Variants in TNRC6B observed in about 807,000 individuals in gnomAD.
TNRC6B encodes the protein trinucleotide repeat-containing gene 6B protein.
A neutral mutation model predicts 203.6 loss-of-function variants in TNRC6B; 52 were observed. That is an observed-to-expected ratio of 0.26 (90% CI 0.20 to 0.32). The LOEUF is 0.32. Ranked by LOEUF, TNRC6B falls within the 10% of genes least tolerant of loss-of-function variation. The pLI is 1.00. For missense variants in TNRC6B, 1,923 were observed against 2,286.2 expected (o/e 0.84, Z 3.24); for synonymous variants, 838 against 845.7 (o/e 0.99, Z 0.16).
intron 1 of TNRC6B, among the ~76,000 whole-genome samples, chr22:40,049,122 C>A (rs916614514): frequency 6.6e-6 from 1 of 152,032 alleles, no homozygotes. Context: ...TGGCTAACAC[C>A]TGTAATCCCA....
intron 14 of TNRC6B, 25 bp downstream of exon 14, chr22:40,301,030 CA>C (rs752953480): frequency 1.2e-6 from 2 of 1,603,452 alleles, no homozygotes; most frequent in Non-Finnish European, 1.7e-6. Context: ...AGGGTCCCTC[CA>C]GTGCTGTGTT....
At chr22:40,147,764 A>G (rs368283426) in intron 3 of TNRC6B, among the ~76,000 whole-genome samples, 5 of 152,344 alleles carry the variant, frequency 3.3e-5, no homozygotes, top group African/African-American at 1.2e-4. Context: ...GCAAAGACAG[A>G]CACAAAACAC....
chr22:40,128,161 C>T (rs2068510322), intron 3 of TNRC6B, among the ~76,000 whole-genome samples: 1 of 152,158 alleles, frequency 6.6e-6, no homozygotes, highest in Non-Finnish European at 1.5e-5. Flanking sequence ...ATAACTTCAA[C>T]TTCATCAGCC....
intron 1 of TNRC6B, among the ~76,000 whole-genome samples, chr22:40,080,746 T>C (rs1321544076): frequency 6.6e-6 from 1 of 152,202 alleles, no homozygotes; most frequent in Non-Finnish European, 1.5e-5. Flanking sequence ...ACATCTCTTT[T>C]GTGAAGTCTT....
rs183931608 is a variant in TNRC6B, at chr22:40,313,139, T to G, written c.4678+142T>G. ...AGGTCAGTATAGATGGAAGCACATC[T>G]TTTCTGTTTGCTATGTCTTTGAGGA... is the stretch of plus-strand genomic sequence containing the variant. On this transcript the variant is annotated intron_variant, in intron 19 of 22. Coordinates refer to ENST00000454349, the MANE Select transcript of TNRC6B (RefSeq NM_001162501.2). The G allele has an allele frequency of 4.5e-6, 3 of 663,772 alleles. No individual in the cohort carries two copies. The Admixed American group carries it at 8.5e-5, about 19-fold the overall frequency. The allele number at this position is 663,772 out of a possible 1,614,324, so 41.1% of individuals were successfully genotyped here.
At chr22:40,074,707 A>T (rs968344752) in intron 1 of TNRC6B, among the ~76,000 whole-genome samples, 8 of 151,850 alleles carry the variant, frequency 5.3e-5, no homozygotes, top group Admixed American at 2.0e-4. Flanking sequence ...TGAACCCTGG[A>T]GGTGGAGCTT....
At chr22:40,100,992 A>G (rs1277907119) in intron 1 of TNRC6B, among the ~76,000 whole-genome samples, 4 of 146,214 alleles carry the variant, frequency 2.7e-5, no homozygotes, top group Non-Finnish European at 6.0e-5. Flanking sequence ...TCTCTTCAGC[A>G]TTTTTTTTTT....
chr22:40,141,418 G>A (rs1042417887), intron 3 of TNRC6B, among the ~76,000 whole-genome samples: 4 of 151,468 alleles, frequency 2.6e-5, no homozygotes, highest in African/African-American at 4.8e-5. Flanking sequence ...GGCTGGTCTC[G>A]AACTCCTGAC....
chr22:40,224,942 G>T (rs1022493027), intron 1 of TNRC6B, among the ~76,000 whole-genome samples: 1 of 152,256 alleles, frequency 6.6e-6, no homozygotes, highest in Non-Finnish European at 1.5e-5. Flanking sequence ...CCTGCTGCCA[G>T]AAGCAGTAGC....
chr22:40,117,186 A>G (rs1370453927), intron 2 of TNRC6B: 1 of 152,600 alleles, frequency 6.6e-6, no homozygotes, highest in African/African-American at 2.4e-5. Flanking sequence ...TAAAAAGAAG[A>G]AAAGTACTTT....
intron 1 of TNRC6B, among the ~76,000 whole-genome samples, chr22:40,196,712 A>T (rs546496802): frequency 6.6e-6 from 1 of 152,068 alleles, no homozygotes; most frequent in Non-Finnish European, 1.5e-5. Flanking sequence ...GTGATAGGGC[A>T]GATGTGGTTC....
chr22:40,064,473 A>G (rs1416913287), intron 1 of TNRC6B, among the ~76,000 whole-genome samples: 2 of 151,702 alleles, frequency 1.3e-5, no homozygotes, highest in Admixed American at 6.6e-5. Flanking sequence ...AATTTTGTTA[A>G]ATGCTTTTGC....
chr22:40,203,818 G>A (rs1239322425), intron 1 of TNRC6B, among the ~76,000 whole-genome samples: 3 of 152,222 alleles, frequency 2.0e-5, no homozygotes, highest in Non-Finnish European at 4.4e-5. Context: ...CTAAGGGTTC[G>A]GTGATGTAGA....
At chr22:40,319,259 C>A (rs2071302030) in intron 21 of TNRC6B, among the ~76,000 whole-genome samples, 2 of 151,272 alleles carry the variant, frequency 1.3e-5, no homozygotes, top group South Asian at 4.2e-4. Context: ...AGACCCCCCC[C>A]ATCTCTGAAT....
chr22:40,100,492 C>T (rs1398074695), intron 1 of TNRC6B, among the ~76,000 whole-genome samples: 1 of 152,106 alleles, frequency 6.6e-6, no homozygotes, highest in Non-Finnish European at 1.5e-5. Flanking sequence ...GATCCTCCTG[C>T]CCCAGCCTCC....
chr22:40,266,801 C>T lies in TNRC6B; in HGVS notation c.2571C>T (p.Ser857=). ...PPGNVRPSNS[S]WSSGPQPATP... is the part of the protein sequence containing the mutation. ...GCAACGTTCGACCTTCCAATTCCAG[C>T]TGGAGCAGCGGGCCACAGCCTGCAA... Residue 857 remains serine, a synonymous_variant, in exon 5 of 23, where the codon AGC becomes AGT. Transcript: ENST00000454349. 6.2e-7 allele frequency: 1 copy of T among 1,613,636 alleles called. No homozygotes were observed. The highest frequency in any genetic ancestry group is 2.2e-5 in the East Asian group (1 of 44,878).
At chr22:40,130,348 T>C (rs1345716251) in intron 3 of TNRC6B, among the ~76,000 whole-genome samples, 2 of 152,188 alleles carry the variant, frequency 1.3e-5, no homozygotes, top group African/African-American at 4.8e-5. Flanking sequence ...AGCTTTTCTT[T>C]GTATTGCCTT....
At chr22:40,085,562 C>G (rs1029548993) in intron 1 of TNRC6B, among the ~76,000 whole-genome samples, 7 of 152,162 alleles carry the variant, frequency 4.6e-5, no homozygotes, top group Admixed American at 2.0e-4. Context: ...ATTCAGAGTG[C>G]AAGGAAGAGT....
In TNRC6B at chr22:40,325,597, C is replaced by T. The variant is rs41281267; in HGVS notation, c.*2356C>T. On this transcript the variant is annotated 3_prime_UTR_variant, in exon 23 of 23. Transcript: ENST00000454349. ...TGAATCACCACCGTGCCCCTTCCAC[C>T]ACTGTTCCCCATGCAAAAGCTCTGC... The T allele has an allele frequency of 5.4e-3, 829 of 152,742 alleles. 3 individuals are homozygous for T. Among genetic ancestry groups the T allele is most frequent in the Non-Finnish European group, 9.0e-3 (616 of 68,116 alleles). 9.5% of individuals were successfully genotyped at this position (152,742 alleles called of 1,614,324 possible).
Sources: allele counts gnomAD v4.1 joint callset (sites outside exome capture counted in the v4.1 genomes callset), GRCh38; gene constraint gnomAD v4.1.1; transcripts MANE v1.5; gene names NCBI Gene and HGNC (gene_info 2026-07-23, HGNC 2026-07-21).